The following SPAG1 variants were observed in gnomAD, a reference collection of about 807,000 sequenced individuals.
SPAG1 encodes sperm-associated antigen 1.
In SPAG1, 69 loss-of-function variants were observed where a neutral mutation model predicts 100.5. The ratio of observed to expected loss-of-function variants is 0.69; its 90% confidence interval spans 0.57 to 0.84. The LOEUF (loss-of-function observed/expected upper bound fraction) is 0.84. Among genes scored for constraint, SPAG1 ranks in the 40% least tolerant of loss-of-function variants. SPAG1 has a pLI of 0.00. For missense variants in SPAG1, 955 were observed against 1,133.1 expected, an observed-to-expected ratio of 0.84 and a Z score of 2.26; for synonymous variants, 336 against 411.6, an observed-to-expected ratio of 0.82 and a Z score of 2.22.
At chr8:100,182,600 T>C (rs1816412686) in intron 4 of SPAG1, among the ~76,000 whole-genome samples, 1 of 152,204 alleles carries the variant, frequency 6.6e-6, no homozygotes, top group Admixed American at 6.5e-5. Flanking sequence ...CCCTTGCCCT[T>C]CCATCAGTTT....
At chr8:100,194,003 T>C in intron 9 of SPAG1, 109 bp from the exon 10 acceptor site, 1 of 976,532 alleles carries the variant, frequency 1.0e-6, no homozygotes, top group Non-Finnish European at 1.4e-6. Context: ...AAAAAAGCCT[T>C]GTCTTAGTTG....
intron 3 of SPAG1, among the ~76,000 whole-genome samples, chr8:100,174,501 A>G (rs1052722624): frequency 6.6e-6 from 1 of 152,200 alleles, no homozygotes; most frequent in Non-Finnish European, 1.5e-5. Flanking sequence ...GTGTAACTTT[A>G]TAGAAATCAA....
At chr8:100,232,812 G>A (rs1446842023) in intron 15 of SPAG1, among the ~76,000 whole-genome samples, 5 of 152,132 alleles carry the variant, frequency 3.3e-5, no homozygotes, top group Non-Finnish European at 7.3e-5. Flanking sequence ...TTCCTTCCAT[G>A]ACTTACAGTG....
intron 12 of SPAG1, among the ~76,000 whole-genome samples, chr8:100,217,210 G>A (rs1043743770): frequency 8.6e-5 from 13 of 151,922 alleles, no homozygotes; most frequent in African/African-American, 2.9e-4. Context: ...CAAAGTGCTG[G>A]GATTACAGGG....
At chr8:100,164,540 T>C (rs1253986367) in intron 2 of SPAG1, among the ~76,000 whole-genome samples, 1 of 152,198 alleles carries the variant, frequency 6.6e-6, no homozygotes, top group Non-Finnish European at 1.5e-5. Context: ...TTCTCCTGCC[T>C]CAGCCTCCTG....
intron 3 of SPAG1, among the ~76,000 whole-genome samples, chr8:100,167,604 G>A (rs1275683589): frequency 2.0e-5 from 3 of 152,106 alleles, no homozygotes; most frequent in Admixed American, 2.0e-4. Context: ...TATATTTTTT[G>A]ATTGCTAGAA....
chr8:100,218,840 A>G (rs1041122397), intron 12 of SPAG1, among the ~76,000 whole-genome samples: 3 of 152,234 alleles, frequency 2.0e-5, no homozygotes, highest in Non-Finnish European at 4.4e-5. Context: ...CTGAGTGGCA[A>G]ATGACTCAAG....
At chr8:100,212,875 G>A (rs1433787539) in intron 10 of SPAG1, among the ~76,000 whole-genome samples, 3 of 132,460 alleles carry the variant, frequency 2.3e-5, no homozygotes, top group African/African-American at 8.9e-5. Context: ...CCCGGGAGCC[G>A]AGTCCTCAGG....
At chr8:100,235,857 G>C (rs1586559873) in intron 16 of SPAG1, among the ~76,000 whole-genome samples, 1 of 151,430 alleles carries the variant, frequency 6.6e-6, no homozygotes, top group East Asian at 1.9e-4. Flanking sequence ...TTTTTTTTTG[G>C]TTAGCAACAC....
intron 12 of SPAG1, among the ~76,000 whole-genome samples, chr8:100,217,879 T>G (rs1456692841): frequency 6.6e-6 from 1 of 152,074 alleles, no homozygotes; most frequent in Non-Finnish European, 1.5e-5. Context: ...GCCTCCTGGG[T>G]TCAAGCGATT....
chr8:100,213,666 G>A lies in SPAG1; in HGVS notation c.1436-153G>A, dbSNP rs62532740. Among the ~76,000 whole-genome samples, 25,574 of 152,242 alleles carry A rather than the reference G, an allele frequency of 0.17. 2,465 individuals carry two copies. Among genetic ancestry groups the A allele is most frequent in the South Asian group, 0.23 (1,100 of 4,826 alleles). On this transcript the variant is annotated intron_variant, in intron 11 of 18. Transcript: ENST00000388798. ...CGTCCCCGCCGGGTTTTCCCTTGGT[G>A]GCTGTTGCGGGTAGCAGCTCCGTGG...
At chr8:100,186,822 A>T (rs1297726712) in intron 7 of SPAG1, among the ~76,000 whole-genome samples, 1 of 152,138 alleles carries the variant, frequency 6.6e-6, no homozygotes, top group Non-Finnish European at 1.5e-5. Context: ...GTGACTTCAC[A>T]GTCTGTCCAT....
chr8:100,173,969 C>A (rs1815992986), intron 3 of SPAG1, among the ~76,000 whole-genome samples: 7 of 152,136 alleles, frequency 4.6e-5, no homozygotes, highest in Admixed American at 4.6e-4. Context: ...ATATTTACCA[C>A]AATTTAAAAT....
chr8:100,240,449 C>G lies in SPAG1; in HGVS notation c.2327C>G (p.Ser776Cys). ...CCTGGAAGACCTGCAGGGGAGGTCTCCATGGGATGCCTTGCTTCTGAGAAG... is the reference window on the plus strand; with the variant it reads ...CCTGGAAGACCTGCAGGGGAGGTCTGCATGGGATGCCTTGCTTCTGAGAAG... ...EEPGRPAGEV[S>C]MGCLASEKGG... Residue 776 changes from serine to cysteine, a missense_variant, in exon 18 of 19, where the codon TCC becomes TGC. Coordinates refer to ENST00000388798, the MANE Select transcript of SPAG1 (RefSeq NM_003114.5). 6.2e-7 allele frequency: 1 copy of G among 1,613,346 alleles called. No homozygotes were observed. Among genetic ancestry groups the G allele is most frequent in the South Asian group, 1.1e-5 (1 of 90,992 alleles).
chr8:100,213,010 A>T, intron 10 of SPAG1, 80 bp from the exon 11 acceptor site: 1 of 417,830 alleles, frequency 2.4e-6, no homozygotes, highest in Non-Finnish European at 3.2e-6. Context: ...CGCGTCCTGC[A>T]CCCCCGCGGC....
chr8:100,202,737 A>AT (rs1817340441), intron 10 of SPAG1, among the ~76,000 whole-genome samples: 3 of 147,964 alleles, frequency 2.0e-5, no homozygotes, highest in African/African-American at 7.4e-5. Flanking sequence ...AAAAAAAAAA[A>AT]AGAATCAACT....
chr8:100,232,421 G>A (rs1818817409), intron 15 of SPAG1, among the ~76,000 whole-genome samples: 2 of 152,080 alleles, frequency 1.3e-5, no homozygotes. Flanking sequence ...ACCTTACAAT[G>A]ATGTCTTCCA....
chr8:100,211,731 C>T (rs961857653), intron 10 of SPAG1, among the ~76,000 whole-genome samples: 8 of 152,172 alleles, frequency 5.3e-5, no homozygotes, highest in African/African-American at 9.7e-5. Flanking sequence ...TGTACTAGAG[C>T]GCATTCCTTA....
intron 15 of SPAG1, among the ~76,000 whole-genome samples, chr8:100,231,961 CAA>C (rs528009916): frequency 7.3e-5 from 10 of 137,538 alleles, no homozygotes; most frequent in Admixed American, 7.4e-5. Context: ...GACTCTGTCT[CAA>C]AAAAAAAAAA....
Sources: gnomAD v4.1 joint callset for allele counts (sites outside exome capture counted in the v4.1 genomes callset) on GRCh38, gnomAD v4.1.1 for gene constraint, MANE v1.5 for transcripts, NCBI Gene and HGNC (gene_info 2026-07-23, HGNC 2026-07-21) for gene names.